LPP: variants seen among roughly 807,000 people sequenced by gnomAD.
The protein encoded by LPP is LIM domain containing preferred translocation partner in lipoma.
A neutral mutation model predicts 60.4 loss-of-function variants in LPP; 38 were observed. The observed-to-expected ratio is 0.63, with a 90% confidence interval of 0.49 to 0.83. LPP has a LOEUF of 0.83. LPP is among the 40% of genes least tolerant of loss of function. The pLI, the probability that LPP is intolerant of heterozygous loss-of-function variation, is 0.00. For synonymous variants in LPP, 328 were observed against 290.8 expected (o/e 1.13, Z -1.30); for missense variants, 902 against 783.6 (o/e 1.15, Z -1.80).
chr3:188,501,702 T>TCATGCCACTG (rs1553915207), intron 5 of LPP, among the ~76,000 whole-genome samples: 1 of 149,220 alleles, frequency 6.7e-6, no homozygotes, highest in African/African-American at 2.5e-5. Flanking sequence ...TGAGCCGAGA[T>TCATGCCACTG]CACTCCAGCC....
At chr3:188,662,469 G>A (rs2149128606) in intron 7 of LPP, among the ~76,000 whole-genome samples, 1 of 152,326 alleles carries the variant, frequency 6.6e-6, no homozygotes, top group South Asian at 2.1e-4. Flanking sequence ...TGGCCTGATA[G>A]AATTTGTTTC....
At chr3:188,273,257 C>A (rs933223296) in intron 2 of LPP, among the ~76,000 whole-genome samples, 5 of 152,334 alleles carry the variant, frequency 3.3e-5, no homozygotes, top group African/African-American at 1.2e-4. Flanking sequence ...ATATGTCAGT[C>A]AGTTTACTTT....
chr3:188,756,114 G>A (rs948306289), intron 8 of LPP, among the ~76,000 whole-genome samples: 1 of 152,168 alleles, frequency 6.6e-6, no homozygotes, highest in African/African-American at 2.4e-5. Context: ...TAGGTAGTAG[G>A]CATGTGGTGG....
At chr3:188,869,571 G>A (rs1049914984) in intron 10 of LPP, among the ~76,000 whole-genome samples, 10 of 152,308 alleles carry the variant, frequency 6.6e-5, no homozygotes, top group Middle Eastern at 3.4e-3. Context: ...GATTACAGGC[G>A]TGAGCCACTG....
At position 188,887,031 on chromosome 3, in the gene LPP, A is replaced by T. The variant is rs1770761126; in HGVS notation, c.*12552A>T. 4.3e-6 allele frequency: 1 copy of T among 230,774 alleles called. No individual in the cohort carries two copies. Among genetic ancestry groups the T allele is most frequent in the Non-Finnish European group, 8.6e-6 (1 of 116,582 alleles). The allele number at this position is 230,774 out of a possible 1,614,324, so 14.3% of individuals were successfully genotyped here. A position where few individuals can be genotyped will look rare whatever the true frequency, so the allele number is the denominator to read the frequency against. On this transcript the variant is annotated 3_prime_UTR_variant, in exon 12 of 12. Coordinates refer to ENST00000617246, the MANE Select transcript of LPP (RefSeq NM_001375462.1). ...TCTGTTGGGAAAAGGGTAAAGAACTATTCTTGGTCATTATTGATGTATTGT... is the reference window on the plus strand; with the variant it reads ...TCTGTTGGGAAAAGGGTAAAGAACTTTTCTTGGTCATTATTGATGTATTGT...
intron 4 of LPP, among the ~76,000 whole-genome samples, chr3:188,421,325 G>T (rs1787738826): frequency 6.6e-6 from 1 of 151,994 alleles, no homozygotes; most frequent in Non-Finnish European, 1.5e-5. Flanking sequence ...AGCTTGGGTA[G>T]AAAGAAAAAA....
chr3:188,580,078 G>A (rs1320242305), intron 6 of LPP, among the ~76,000 whole-genome samples: 4 of 151,934 alleles, frequency 2.6e-5, no homozygotes, highest in African/African-American at 9.7e-5. Context: ...AAGATCTCAG[G>A]TTTAAACCTC....
chr3:188,656,481 A>G (rs1853244678), intron 7 of LPP, among the ~76,000 whole-genome samples: 1 of 152,070 alleles, frequency 6.6e-6, no homozygotes, highest in South Asian at 2.1e-4. Context: ...CAAACAAACA[A>G]TTACATTTAA....
At chr3:188,533,670 A>T (rs1822804774) in intron 6 of LPP, among the ~76,000 whole-genome samples, 1 of 152,198 alleles carries the variant, frequency 6.6e-6, no homozygotes, top group African/African-American at 2.4e-5. Flanking sequence ...TTTGCAAAAC[A>T]CCATTTTAAA....
At chr3:188,327,093 A>G (rs1758624581) in intron 2 of LPP, among the ~76,000 whole-genome samples, 1 of 152,162 alleles carries the variant, frequency 6.6e-6, no homozygotes, top group African/African-American at 2.4e-5. Flanking sequence ...TTGACCACAT[A>G]AAGTTTAGGA....
intron 8 of LPP, among the ~76,000 whole-genome samples, chr3:188,734,212 A>G (rs1721682860): frequency 6.6e-6 from 1 of 152,206 alleles, no homozygotes; most frequent in Non-Finnish European, 1.5e-5. Flanking sequence ...CCATTTGGAT[A>G]TCTTTTAAAA....
At chr3:188,264,821 T>C (rs1360186166) in intron 2 of LPP, among the ~76,000 whole-genome samples, 1 of 152,022 alleles carries the variant, frequency 6.6e-6, no homozygotes, top group African/African-American at 2.4e-5. Context: ...TTTTCTTTCC[T>C]TTTTTTTCTT....
At chr3:188,796,864 AC>A (rs1577612777) in intron 9 of LPP, among the ~76,000 whole-genome samples, 1 of 152,040 alleles carries the variant, frequency 6.6e-6, no homozygotes, top group East Asian at 1.9e-4. Context: ...TTCTACACAG[AC>A]CCCATTGCAG....
intron 1 of LPP, among the ~76,000 whole-genome samples, chr3:188,188,561 C>T (rs1326468380): frequency 2.6e-5 from 4 of 152,050 alleles, no homozygotes; most frequent in African/African-American, 7.2e-5. Flanking sequence ...AATTGTTTCT[C>T]GGTGACTTTG....
chr3:188,230,621 T>C (rs1719558129), intron 2 of LPP, among the ~76,000 whole-genome samples: 2 of 151,644 alleles, frequency 1.3e-5, no homozygotes, highest in Admixed American at 6.6e-5. Flanking sequence ...TCATCTCTAC[T>C]AGAAATACAA....
intron 6 of LPP, among the ~76,000 whole-genome samples, chr3:188,549,020 A>C (rs1827373499): frequency 6.6e-6 from 1 of 152,222 alleles, no homozygotes; most frequent in African/African-American, 2.4e-5. Flanking sequence ...CAGATAGTTA[A>C]TGTTTTCAAC....
chr3:188,502,825 A>G (rs1216722399), intron 5 of LPP, among the ~76,000 whole-genome samples: 1 of 152,156 alleles, frequency 6.6e-6, no homozygotes, highest in East Asian at 1.9e-4. Flanking sequence ...ATCACCTAAT[A>G]TAAAGCTTAT....
chr3:188,413,117 T>C (rs1785278678), intron 4 of LPP, among the ~76,000 whole-genome samples: 1 of 152,172 alleles, frequency 6.6e-6, no homozygotes, highest in African/African-American at 2.4e-5. Context: ...GCAGGACACA[T>C]TTGTTTTCTT....
At chr3:188,571,690 C>G (rs1833580544) in intron 6 of LPP, among the ~76,000 whole-genome samples, 1 of 152,056 alleles carries the variant, frequency 6.6e-6, no homozygotes, top group Non-Finnish European at 1.5e-5. Context: ...AAGAGCAGCT[C>G]CTCTAAAGAT....
Sources: allele counts gnomAD v4.1 joint callset (sites outside exome capture counted in the v4.1 genomes callset), GRCh38; gene constraint gnomAD v4.1.1; transcripts MANE v1.5; gene names NCBI Gene and HGNC (gene_info 2026-07-23, HGNC 2026-07-21).